Variants in MS4A2 observed in about 807,000 individuals in gnomAD.
MS4A2 encodes high affinity immunoglobulin epsilon receptor subunit beta.
MS4A2 carries 26 observed loss-of-function variants against 27.9 expected under a neutral mutation model. The observed-to-expected ratio is 0.93, with a 90% confidence interval of 0.68 to 1.29. The LOEUF (loss-of-function observed/expected upper bound fraction) is 1.29, where lower values mean the gene tolerates loss of function less well. Ranked by LOEUF, MS4A2 falls within the 50% of genes most tolerant of loss-of-function variation. The pLI, the probability that MS4A2 is intolerant of heterozygous loss-of-function variation, is 0.00. For missense variants in MS4A2, 284 were observed against 284.6 expected, an observed-to-expected ratio of 1.00 and a Z score of 0.01; for synonymous variants, 110 against 98.8, an observed-to-expected ratio of 1.11 and a Z score of -0.67.
chr11:60,092,996 G>C, intron 4 of MS4A2, 148 bp downstream of exon 4: 2 of 806,358 alleles, frequency 2.5e-6, no homozygotes, highest in Admixed American at 4.6e-5. Flanking sequence ...GTGTCCTAAG[G>C]CTTTTTGCAA....
intron 4 of MS4A2, 50 bp downstream of exon 4, chr11:60,092,898 C>T (rs868741050): frequency 6.4e-7 from 1 of 1,558,684 alleles, no homozygotes; most frequent in African/African-American, 1.4e-5. Context: ...ATAAGAAGAA[C>T]AGAGTTTTAA....
intron 3 of MS4A2, 53 bp from the exon 4 acceptor site, chr11:60,092,739 C>A: frequency 6.6e-7 from 1 of 1,519,086 alleles, no homozygotes; most frequent in Non-Finnish European, 9.1e-7. Flanking sequence ...TTAAAAAGGA[C>A]ACATTGAAAA....
In MS4A2 at chr11:60,095,258, G is replaced by T. The variant is rs181897118; in HGVS notation, c.637-300G>T. On this transcript the variant is annotated intron_variant, in intron 6 of 6. Coordinates refer to ENST00000278888, the MANE Select transcript of MS4A2 (RefSeq NM_000139.5). ...AGCCTGGGTGACATAGTGAGATTCT[G>T]TCTCAAAAAAAATAAAAGAAATTTA... Among the ~76,000 whole-genome samples, 50 of 152,138 alleles carry T rather than the reference G, an allele frequency of 3.3e-4. 1 individual carries two copies. The South Asian group carries it at 0.01, about 31-fold the overall frequency.
chr11:60,090,740 A>T (rs1273367485), intron 3 of MS4A2, among the ~76,000 whole-genome samples: 1 of 152,250 alleles, frequency 6.6e-6, no homozygotes, highest in Non-Finnish European at 1.5e-5. Context: ...CCTAAGGGCC[A>T]CTTGACTAAT....
chr11:60,093,909 T>A (rs917719241), intron 5 of MS4A2, 55 bp from the exon 6 acceptor site: 2 of 1,408,100 alleles, frequency 1.4e-6, no homozygotes, highest in Non-Finnish European at 2.0e-6. Flanking sequence ...AAAATAAACT[T>A]TTGGGGCGAA....
At position 60,089,676 on chromosome 11, in the gene MS4A2, CT is replaced by C; in HGVS notation, c.57-12del. 2 of 1,614,052 alleles carry C rather than the reference CT, an allele frequency of 1.2e-6. No individual in the cohort carries two copies. The highest frequency in any genetic ancestry group is 1.7e-6 in the Non-Finnish European group (2 of 1,179,936). ...ACAGAATGTTCTCATGACTGAATTG[CT>C]TTTAAATTTCACAGTGTGCCTGCAT... On this transcript the variant is annotated splice_polypyrimidine_tract_variant and intron_variant, in intron 1 of 6. Transcript: ENST00000278888.
chr11:60,089,550 A>T, intron 1 of MS4A2, 142 bp from the exon 2 acceptor site: 1 of 1,118,036 alleles, frequency 8.9e-7, no homozygotes, highest in Non-Finnish European at 1.3e-6. Context: ...TCTGAGCTTT[A>T]GTTTCTTGGT....
Position 60,096,147 on chromosome 11 carries a change from T to G in MS4A2, c.*491T>G, listed in dbSNP as rs147087797. 1,159 of 155,952 alleles carry G rather than the reference T, an allele frequency of 7.4e-3. 15 individuals carry two copies. Among genetic ancestry groups the G allele is most frequent in the African/African-American group, 0.026 (1,089 of 41,538 alleles). The allele number at this position is 155,952 out of a possible 1,614,324, so 9.7% of individuals were successfully genotyped here. ...TACTTACACTATATATAACTTCCTA[T>G]GCAAATATTTTACCACCAGTCAATA... On this transcript the variant is annotated 3_prime_UTR_variant, in exon 7 of 7. Transcript: ENST00000278888.
At position 60,095,706 on chromosome 11, in the gene MS4A2, C is replaced by A; in HGVS notation, c.*50C>A. 3 of 1,310,472 alleles carry A rather than the reference C, an allele frequency of 2.3e-6. No individual in the cohort carries two copies. The highest frequency in any genetic ancestry group is 1.2e-5 in the South Asian group (1 of 84,574). The allele number at this position is 1,310,472 out of a possible 1,614,324, so 81.2% of individuals were successfully genotyped here. On this transcript the variant is annotated 3_prime_UTR_variant, in exon 7 of 7. Transcript: ENST00000278888. The stretch of plus-strand genomic sequence containing the variant: ...ATTCACAGCCAAGGATCCAGAAGGC[C>A]AAGGTCTTGTTAAGGGGCTACTGGA...
chr11:60,095,620 A>G lies in MS4A2; in HGVS notation c.699A>G (p.Glu233=), dbSNP rs1300199811. The part of the protein sequence containing the change: ...NIYSATYSEL[E]DPGEMSPPID... ...ATTCAGCTACTTACAGTGAGTTGGA[A>G]GACCCAGGGGAAATGTCTCCTCCCA... Residue 233 remains glutamate (E), a synonymous_variant, in exon 7 of 7, where the codon GAA becomes GAG. Transcript: ENST00000278888. 2 of 1,612,324 alleles carry G rather than the reference A, an allele frequency of 1.2e-6. No homozygotes were observed. Among genetic ancestry groups the G allele is most frequent in the South Asian group, 1.1e-5 (1 of 91,044 alleles).
chr11:60,093,614 GA>G (rs1268878086), intron 5 of MS4A2, 56 bp downstream of exon 5: 4 of 1,598,570 alleles, frequency 2.5e-6, no homozygotes, highest in Non-Finnish European at 3.4e-6. Context: ...ATGTAAGTAA[GA>G]AGCCCTCTTC....
At chr11:60,094,167 T>C (rs1029741246) in intron 6 of MS4A2, 105 bp downstream of exon 6, 2 of 791,174 alleles carry the variant, frequency 2.5e-6, no homozygotes, top group Admixed American at 4.1e-5. Flanking sequence ...TTCCAGAAAA[T>C]AGTTTCTCCA....
chr11:60,090,539 C>T (rs1855741626), intron 3 of MS4A2, 69 bp downstream of exon 3: 2 of 1,454,770 alleles, frequency 1.4e-6, no homozygotes, highest in Middle Eastern at 4.7e-4. Context: ...TCAGATCTAA[C>T]CAGTTGTTTA....
At chr11:60,094,428 C>G (rs182131094) in intron 6 of MS4A2, among the ~76,000 whole-genome samples, 1 of 152,180 alleles carries the variant, frequency 6.6e-6, no homozygotes, top group Non-Finnish European at 1.5e-5. Context: ...TGTTTTATTC[C>G]TTTGTTTCTT....
rs1398862581 is a variant in MS4A2, at chr11:60,093,510, T to A, written c.489T>A (p.Ser163Arg). The change falls in exon 5 of 7, where the codon AGT becomes AGA. Residue 163 changes from serine (S) to arginine (R), a missense_variant. By Grantham distance (110) the Ser-to-Arg change is moderately radical. Transcript: ENST00000278888. Reference protein sequence around the residue: ...KKSLAYIHIHSCQKFFETKCF... With the variant: ...KKSLAYIHIHRCQKFFETKCF... ...GCTTGGCCTATATCCACATCCACAG[T>A]TGCCAGAAATTTTTTGAGACCAAGT... 1.2e-6 allele frequency: 2 copies of A among 1,614,098 alleles called. No individual in the cohort carries two copies. The highest frequency in any genetic ancestry group is 1.7e-6 in the Non-Finnish European group (2 of 1,180,034).
In MS4A2 at chr11:60,090,424, T is replaced by C. The variant is rs768034185; in HGVS notation, c.275T>C (p.Ile92Thr). Residue 92 changes from isoleucine to threonine, a missense_variant, in exon 3 of 7, where the codon ATT becomes ACT. Coordinates refer to ENST00000278888, the MANE Select transcript of MS4A2 (RefSeq NM_000139.5). ...VLDISHIEGD[I>T]FSSFKAGYPF... ...GATATTTCACACATTGAGGGAGACA[T>C]TTTTTCATCATTTAAAGCAGGTTAT... The C allele has an allele frequency of 6.2e-7, 1 of 1,613,322 alleles. No homozygotes were observed. The highest frequency in any genetic ancestry group is 1.1e-5 in the South Asian group (1 of 91,074).
At position 60,090,367 on chromosome 11, in the gene MS4A2, T is replaced by C; in HGVS notation, c.218T>C (p.Leu73Pro). 6.2e-7 allele frequency: 1 copy of C among 1,613,418 alleles called. No homozygotes were observed. Among genetic ancestry groups the C allele is most frequent in the Non-Finnish European group, 8.5e-7 (1 of 1,179,904 alleles). The change falls in exon 3 of 7, where the codon CTT (leucine) becomes CCT (proline). Residue 73 changes from leucine (L) to proline (P), a missense_variant. Physicochemically the swap from Leu to Pro is moderately conservative, Grantham distance 98. Coordinates refer to ENST00000278888, the MANE Select transcript of MS4A2 (RefSeq NM_000139.5). ...CAAATTCTGACTGCTATGATATGCC[T>C]TTGTTTTGGAACAGTTGTCTGCTCT... ...VTQILTAMICLCFGTVVCSVL... is the reference protein window; with the variant it reads ...VTQILTAMICPCFGTVVCSVL...
At chr11:60,091,569 G>C (rs1855758704) in intron 3 of MS4A2, among the ~76,000 whole-genome samples, 1 of 152,148 alleles carries the variant, frequency 6.6e-6, no homozygotes, top group African/African-American at 2.4e-5. Flanking sequence ...ACATTGATCT[G>C]CTTTCTGTGA....
At chr11:60,092,999 T>C (rs933950027) in intron 4 of MS4A2, 151 bp downstream of exon 4, 3 of 784,006 alleles carry the variant, frequency 3.8e-6, no homozygotes, top group Non-Finnish European at 4.2e-6. Context: ...TCCTAAGGCT[T>C]TTTGCAACAG....
Sources: allele counts gnomAD v4.1 joint callset (sites outside exome capture counted in the v4.1 genomes callset), GRCh38; gene constraint gnomAD v4.1.1; transcripts MANE v1.5; gene names NCBI Gene and HGNC (gene_info 2026-07-23, HGNC 2026-07-21).